The following USP16 variants were observed in gnomAD, a reference collection of about 807,000 sequenced individuals.
USP16 encodes the protein ubiquitin specific peptidase 16.
Under a neutral mutation model 95.9 loss-of-function variants are expected in USP16, and 77 were observed. The observed-to-expected ratio is 0.80, with a 90% CI of 0.67 to 0.97. USP16 has a LOEUF of 0.97. Among genes scored for constraint, USP16 ranks in the 50% least tolerant of loss-of-function variants. USP16 has a pLI of 0.00. For missense variants in USP16, 943 were observed against 959.9 expected, an observed-to-expected ratio of 0.98 and a Z score of 0.23; for synonymous variants, 303 against 318.2, an observed-to-expected ratio of 0.95 and a Z score of 0.51.
At chr21:29,026,898 C>G (rs1037408345) in intron 1 of USP16, among the ~76,000 whole-genome samples, 1 of 151,914 alleles carries the variant, frequency 6.6e-6, no homozygotes, top group South Asian at 2.1e-4. Context: ...CAGGATTAGC[C>G]GAGCAATGGG....
At chr21:29,046,593 CTCTA>C (rs2085326125) in intron 13 of USP16, 70 bp from the exon 14 acceptor site, 25 of 1,447,608 alleles carry the variant, frequency 1.7e-5, no homozygotes, top group Non-Finnish European at 2.2e-5. Flanking sequence ...GTCCTTCTTC[CTCTA>C]TCTCTCTTCC....
Position 29,053,728 on chromosome 21 carries a change from G to A in USP16, c.2194-74G>A, listed in dbSNP as rs1311133025. The A allele has an allele frequency of 2.0e-6, 3 of 1,495,274 alleles. No individual in the cohort carries two copies. In the Admixed American group the frequency reaches 5.8e-5, roughly 29 times the overall value. The allele number at this position is 1,495,274 out of a possible 1,614,324, so 92.6% of individuals were successfully genotyped here. The stretch of plus-strand genomic sequence containing the variant: ...AATGGTTAAAGACCCTTTGCATAGT[G>A]TAAACTTGTCTTGCCCATGACATCT... On this transcript the variant is annotated intron_variant, in intron 16 of 17. Coordinates refer to ENST00000399976, the MANE Select transcript of USP16 (RefSeq NM_006447.3).
At chr21:29,043,828 A>G (rs190236434) in intron 13 of USP16, among the ~76,000 whole-genome samples, 1 of 152,320 alleles carries the variant, frequency 6.6e-6, no homozygotes, top group African/African-American at 2.4e-5. Flanking sequence ...GCTTGTAACA[A>G]GTATTTGTAG....
chr21:29,046,737 C>G lies in USP16; in HGVS notation c.1427C>G (p.Pro476Arg), dbSNP rs762271372. Reference protein sequence around the residue: ...HLNDICTIDHPEDSEYEAEMS... With the variant: ...HLNDICTIDHREDSEYEAEMS... ...AATGATATTTGTACTATTGACCATC[C>G]TGAAGACAGTGAATATGAAGCTGAA... Residue 476 changes from proline to arginine, a missense_variant, in exon 14 of 18, where the codon CCT becomes CGT. By Grantham distance (103) the Pro-to-Arg change is moderately radical. Transcript: ENST00000399976. 1.2e-6 allele frequency: 2 copies of G among 1,613,930 alleles called. No individual in the cohort carries two copies. Among genetic ancestry groups the G allele is most frequent in the East Asian group, 4.5e-5 (2 of 44,856 alleles).
chr21:29,035,305 T>C lies in USP16; in HGVS notation c.344+365T>C, dbSNP rs191539156. 2.6e-3 allele frequency among the ~76,000 whole-genome samples: 391 copies of C among 152,248 alleles called. 3 individuals are homozygous for C. Among genetic ancestry groups the C allele is most frequent in the African/African-American group, 9.0e-3 (375 of 41,558 alleles). On this transcript the variant is annotated intron_variant, in intron 4 of 17. Transcript: ENST00000399976. ...TGTCAGTCTGGTATGTTATAGATGC[T>C]GCATTGTAACATCATTAAAACAGAT...
At chr21:29,036,633 C>T (rs1045593074) in intron 5 of USP16, among the ~76,000 whole-genome samples, 1 of 152,212 alleles carries the variant, frequency 6.6e-6, no homozygotes, top group African/African-American at 2.4e-5. Flanking sequence ...TAACCCTAGC[C>T]AGGCTTACTA....
chr21:29,041,597 A>T (rs2085243558), intron 10 of USP16, among the ~76,000 whole-genome samples: 1 of 152,054 alleles, frequency 6.6e-6, no homozygotes, highest in Non-Finnish European at 1.5e-5. Context: ...CCAGTTTGCT[A>T]CTCTGGTATC....
chr21:29,047,930 TTATATGTGTGTGTATGTATATATA>T (rs1243185477), intron 14 of USP16, among the ~76,000 whole-genome samples: 13 of 151,778 alleles, frequency 8.6e-5, no homozygotes, highest in Admixed American at 2.0e-4. Flanking sequence ...TGTATGTATC[TTATATGTGTGTGTATGTATATATA>T]TATATGTGTG....
chr21:29,029,964 G>C (rs2085053847), intron 2 of USP16, among the ~76,000 whole-genome samples: 1 of 152,074 alleles, frequency 6.6e-6, no homozygotes, highest in Admixed American at 6.5e-5. Flanking sequence ...ATTTAACAAA[G>C]TTCATAGGAC....
intron 3 of USP16, among the ~76,000 whole-genome samples, chr21:29,031,203 C>T (rs1005472256): frequency 2.0e-5 from 3 of 152,116 alleles, no homozygotes; most frequent in African/African-American, 4.8e-5. Context: ...AGCTCTCAGC[C>T]GGCCACATTC....
Position 29,054,438 on chromosome 21 carries a change from T to G in USP16, c.*251T>G, listed in dbSNP as rs902996305. On this transcript the variant is annotated 3_prime_UTR_variant, in exon 18 of 18. Coordinates refer to ENST00000399976, the MANE Select transcript of USP16 (RefSeq NM_006447.3). ...AATTACTTAAGTACTTTGTGTTTAA[T>G]ATATCTGGGTGATGGATCACAACAC... 6 of 459,424 alleles carry G rather than the reference T, an allele frequency of 1.3e-5. No individual in the cohort carries two copies. The highest frequency in any genetic ancestry group is 1.2e-4 in the African/African-American group (6 of 50,948). The allele number at this position is 459,424 out of a possible 1,614,324, so 28.5% of individuals were successfully genotyped here. A position where few individuals can be genotyped will look rare whatever the true frequency, so the allele number is the denominator to read the frequency against.
chr21:29,048,017 T>A (rs2085354550), intron 14 of USP16, among the ~76,000 whole-genome samples: 1 of 151,466 alleles, frequency 6.6e-6, no homozygotes, highest in Non-Finnish European at 1.5e-5. Context: ...GCTTACTTTT[T>A]GTCTGTATAT....
At chr21:29,025,476 A>G (rs758897921) in intron 1 of USP16, among the ~76,000 whole-genome samples, 3 of 152,226 alleles carry the variant, frequency 2.0e-5, no homozygotes, top group Non-Finnish European at 4.4e-5. Flanking sequence ...AAGTCACAAT[A>G]TGCTCTCCTC....
At chr21:29,027,545 A>C (rs918942808) in intron 1 of USP16, among the ~76,000 whole-genome samples, 13 of 152,260 alleles carry the variant, frequency 8.5e-5, no homozygotes, top group African/African-American at 3.1e-4. Flanking sequence ...ACATGTATGT[A>C]GTGAGGAGTC....
chr21:29,036,084 G>T (rs2085152030), intron 4 of USP16, among the ~76,000 whole-genome samples, 187 bp from the exon 5 acceptor site: 2 of 152,128 alleles, frequency 1.3e-5, no homozygotes, highest in African/African-American at 2.4e-5. Flanking sequence ...CATAATTCTG[G>T]CTAATTTTAT....
intron 3 of USP16, among the ~76,000 whole-genome samples, chr21:29,032,434 A>G (rs1191357460): frequency 6.6e-6 from 1 of 151,990 alleles, no homozygotes; most frequent in African/African-American, 2.4e-5. Context: ...GTTTTGGTAT[A>G]CTGCCCAGGC....
At chr21:29,026,666 G>A (rs1053054253) in intron 1 of USP16, 6 of 148,882 alleles carry the variant, frequency 4.0e-5, no homozygotes, top group South Asian at 2.2e-4. Flanking sequence ...ACAGGCGTGA[G>A]CCACCGCACC....
rs1224681236 is a variant in USP16 at position 29,044,524 on chromosome 21, T to A, written c.1356+925T>A. Among the ~76,000 whole-genome samples, 3 of 149,880 alleles carry A rather than the reference T, an allele frequency of 2.0e-5. No individual in the cohort carries two copies. In the East Asian group the frequency reaches 6.0e-4, roughly 30 times the overall value. The stretch of plus-strand genomic sequence containing the variant: ...TGCAAATGGCGAGATCTTGGCACAC[T>A]GCAACCTCTGCCTCCCAGGTTCAAG... On this transcript the variant is annotated intron_variant, in intron 13 of 17. Transcript: ENST00000399976.
intron 2 of USP16, among the ~76,000 whole-genome samples, chr21:29,029,152 G>T (rs192065030): frequency 4.1e-4 from 63 of 152,318 alleles, no homozygotes; most frequent in Non-Finnish European, 6.0e-4. Flanking sequence ...GGTGGCTCAC[G>T]CCTGTAATCC....
Sources: gnomAD v4.1 joint callset for allele counts (sites outside exome capture counted in the v4.1 genomes callset) on GRCh38, gnomAD v4.1.1 for gene constraint, MANE v1.5 for transcripts, NCBI Gene and HGNC (gene_info 2026-07-23, HGNC 2026-07-21) for gene names.